The following FH variants were observed in gnomAD, a reference collection of about 807,000 sequenced individuals.
FH encodes fumarate hydratase, also known as fumarate hydratase, mitochondrial.
Under a neutral mutation model 49.4 loss-of-function variants are expected in FH, and 22 were observed. The ratio of observed to expected loss-of-function variants is 0.45; its 90% CI spans 0.32 to 0.64. The LOEUF (loss-of-function observed/expected upper bound fraction) is 0.64, where lower values mean the gene tolerates loss of function less well. FH is among the 30% of genes least tolerant of loss of function. The pLI is 0.05. For missense variants in FH, 526 were observed against 641.5 expected, an observed-to-expected ratio of 0.82 and a Z score of 1.95; for synonymous variants, 208 against 223.0, an observed-to-expected ratio of 0.93 and a Z score of 0.60.
Position 241,505,951 on chromosome 1 carries a change from G to C in FH, c.904+52C>G, listed in dbSNP as rs2147917440. The C allele has an allele frequency of 2.6e-6, 4 of 1,532,750 alleles. No individual in the cohort carries two copies. In the African/African-American group the frequency reaches 5.5e-5, roughly 21 times the overall value. The allele number at this position is 1,532,750 out of a possible 1,614,324, so 94.9% of individuals were successfully genotyped here. On this transcript the variant is annotated intron_variant, in intron 6 of 9. Coordinates refer to ENST00000366560, the MANE Select transcript of FH (RefSeq NM_000143.4). ...GACAGGAACACTCAGAAAATGTACA[G>C]ACCACGTATAATGAGAAATGAAAAT...
chr1:241,512,330 A>C (rs980306525), intron 3 of FH, among the ~76,000 whole-genome samples, 187 bp from the exon 4 acceptor site: 1 of 152,156 alleles, frequency 6.6e-6, no homozygotes, highest in Admixed American at 6.5e-5. Context: ...GTTTCAAATG[A>C]AAAGGGAATC....
At chr1:241,513,575 T>C (rs769427723) in intron 3 of FH, 28 bp downstream of exon 3, 2 of 1,529,868 alleles carry the variant, frequency 1.3e-6, no homozygotes, top group East Asian at 2.3e-5. Flanking sequence ...TCTGAGGTTA[T>C]TAAGCAAACA....
In FH at chr1:241,498,006, C is replaced by T. The variant is rs1314398270; in HGVS notation, c.1391-36G>A. On this transcript the variant is annotated intron_variant, in intron 9 of 9. Transcript: ENST00000366560. ...AATAAAAAGACGACATATGGGTTAG[C>T]AGTGATATTTGGTTTCCTAAAGCAA... 4 of 1,611,998 alleles carry T rather than the reference C, an allele frequency of 2.5e-6. No homozygotes were observed. The East Asian group carries it at 6.7e-5, about 27-fold the overall frequency.
Position 241,497,955 on chromosome 1 carries a change from G to A in FH, c.1406C>T (p.Ala469Val). The change falls in exon 10 of 10, where the codon GCA becomes GTA. Residue 469 changes from alanine (A) to valine (V), a missense_variant. Physicochemically the swap from Ala to Val is moderately conservative, Grantham distance 64. This residue lies in a region of FH where 383 missense variants were observed against 514.0 expected (regional missense o/e 0.75). Coordinates refer to ENST00000366560, the MANE Select transcript of FH (RefSeq NM_000143.4). ...TTTGTGTGCTGTCTTAGCAATCTTTGCTGCCTTGTCATACCCTGAAGAAAA... is the reference window on the plus strand; with the variant it reads ...TTTGTGTGCTGTCTTAGCAATCTTTACTGCCTTGTCATACCCTGAAGAAAA... ...LNPHIGYDKA[A>V]KIAKTAHKNG... 1 of 1,613,952 alleles carries A rather than the reference G, an allele frequency of 6.2e-7. No homozygotes were observed. The highest frequency in any genetic ancestry group is 8.5e-7 in the Non-Finnish European group (1 of 1,179,976).
At chr1:241,508,066 C>T (rs1659974542) in intron 5 of FH, among the ~76,000 whole-genome samples, 1 of 152,116 alleles carries the variant, frequency 6.6e-6, no homozygotes, top group African/African-American at 2.4e-5. Context: ...AAAAGATCTA[C>T]CTTATTTAAT....
Position 241,500,602 on chromosome 1 carries a change from T to TGAGAGGGAGAGAGA in FH, c.1237-13_1237-12insTCTCTCTCCCTCTC. ...AACACATTTTTAATCTTTGAGTGAG[T>TGAGAGGGAGAGAGA]GAGAGAGAGAGAGAGAGAGAGAGAG... On this transcript the variant is annotated splice_polypyrimidine_tract_variant and intron_variant, in intron 8 of 9. Transcript: ENST00000366560. 6.7e-7 allele frequency: 1 copy of TGAGAGGGAGAGAGA among 1,488,440 alleles called. No homozygotes were observed. The highest frequency in any genetic ancestry group is 9.1e-7 in the Non-Finnish European group (1 of 1,103,704). 92.2% of individuals were successfully genotyped at this position (1,488,440 alleles called of 1,614,324 possible).
intron 8 of FH, among the ~76,000 whole-genome samples, 165 bp downstream of exon 8, chr1:241,502,278 C>A (rs1170362804): frequency 6.6e-6 from 1 of 152,112 alleles, no homozygotes; most frequent in Non-Finnish European, 1.5e-5. Context: ...CAACTAATTT[C>A]TATTATCTAG....
chr1:241,511,693 T>A (rs936196393), intron 4 of FH, among the ~76,000 whole-genome samples: 19 of 152,192 alleles, frequency 1.2e-4, no homozygotes, highest in Non-Finnish European at 2.2e-4. Context: ...CTATTTGAAC[T>A]ATCTTTGCAA....
intron 3 of FH, among the ~76,000 whole-genome samples, chr1:241,512,393 T>C (rs1159634254): frequency 6.6e-6 from 1 of 152,194 alleles, no homozygotes; most frequent in African/African-American, 2.4e-5. Flanking sequence ...GAGGACCACC[T>C]GTTAAGGCTG....
intron 9 of FH, among the ~76,000 whole-genome samples, chr1:241,499,626 T>C (rs924175509): frequency 2.6e-5 from 4 of 152,230 alleles, no homozygotes; most frequent in African/African-American, 4.8e-5. Flanking sequence ...TTCAAGATTA[T>C]AGAAGAAGCA....
intron 3 of FH, 63 bp from the exon 4 acceptor site, chr1:241,512,206 G>T: frequency 6.9e-7 from 1 of 1,442,926 alleles, no homozygotes; most frequent in Non-Finnish European, 9.7e-7. Flanking sequence ...TTATGCCACA[G>T]AGTTTGAATA....
intron 3 of FH, 145 bp downstream of exon 3, chr1:241,513,458 C>A: frequency 1.4e-6 from 1 of 729,518 alleles, no homozygotes. Flanking sequence ...ATTAATATCA[C>A]CACTAAAAAT....
chr1:241,518,572 G>T lies in FH; in HGVS notation c.132+1019C>A, dbSNP rs1322127144. Among the ~76,000 whole-genome samples the T allele has an allele frequency of 2.6e-5, 4 of 152,098 alleles. No homozygotes were observed. In the East Asian group the frequency reaches 7.7e-4, roughly 29 times the overall value. ...TGGCCCTTTGAAATACCCTAGATGGGGCACTTATTTAATGAGCACTCGCTA... is the reference window on the plus strand; with the variant it reads ...TGGCCCTTTGAAATACCCTAGATGGTGCACTTATTTAATGAGCACTCGCTA... On this transcript the variant is annotated intron_variant, in intron 1 of 9. Coordinates refer to ENST00000366560, the MANE Select transcript of FH (RefSeq NM_000143.4).
At chr1:241,503,601 C>T (rs1007363154) in intron 7 of FH, among the ~76,000 whole-genome samples, 4 of 152,234 alleles carry the variant, frequency 2.6e-5, no homozygotes, top group Non-Finnish European at 5.9e-5. Context: ...CAGCTACATT[C>T]ATCTGCCAGC....
intron 8 of FH, among the ~76,000 whole-genome samples, chr1:241,501,852 G>A (rs938075533): frequency 1.8e-4 from 28 of 152,188 alleles, no homozygotes; most frequent in Admixed American, 2.0e-4. Flanking sequence ...GAAAAAGAAC[G>A]GTTTGGGTGG....
intron 1 of FH, among the ~76,000 whole-genome samples, chr1:241,518,227 A>G (rs1346918363): frequency 6.6e-6 from 1 of 152,212 alleles, no homozygotes; most frequent in Non-Finnish European, 1.5e-5. Flanking sequence ...GGCAAAAAGT[A>G]CCAGAACTAG....
intron 9 of FH, among the ~76,000 whole-genome samples, chr1:241,499,596 T>C (rs192308931): frequency 6.6e-6 from 1 of 152,342 alleles, no homozygotes; most frequent in East Asian, 1.9e-4. Context: ...AAACCAGGAA[T>C]ATAAAATTTG....
Position 241,517,411 on chromosome 1 carries a change from A to G in FH, c.133-95T>C. ...CAGCTGTTAAAGAGAAAGAAACCTG[A>G]ATAAGTATCACAAAGACAAAAAAAT... On this transcript the variant is annotated intron_variant, in intron 1 of 9. Coordinates refer to ENST00000366560, the MANE Select transcript of FH (RefSeq NM_000143.4). 2.2e-6 allele frequency: 3 copies of G among 1,363,454 alleles called. No homozygotes were observed. In the East Asian group the frequency reaches 7.0e-5, roughly 32 times the overall value. 84.5% of individuals were successfully genotyped at this position (1,363,454 alleles called of 1,614,324 possible). A position where few individuals can be genotyped will look rare whatever the true frequency, so the allele number is the denominator to read the frequency against.
At position 241,519,698 on chromosome 1, in the gene FH, C is replaced by A; in HGVS notation, c.25G>T (p.Ala9Ser). 6.5e-7 allele frequency: 1 copy of A among 1,546,722 alleles called. No individual in the cohort carries two copies. The highest frequency in any genetic ancestry group is 8.7e-7 in the Non-Finnish European group (1 of 1,145,780). MYRALRLL[A>S]RSRPLVRAPA... ...GCCCGCACGAGGGGACGCGAGCGCG[C>A]GAGGAGCCGAAGTGCTCGGTACATG... Residue 9 changes from alanine (A) to serine (S), a missense_variant, in exon 1 of 10, where the codon GCG (alanine) becomes TCG (serine). Coordinates refer to ENST00000366560, the MANE Select transcript of FH (RefSeq NM_000143.4).
Sources: allele counts gnomAD v4.1 joint callset (sites outside exome capture counted in the v4.1 genomes callset), GRCh38; gene constraint gnomAD v4.1.1; regional missense constraint gnomAD v4.1.1; transcripts MANE v1.5; gene names NCBI Gene and HGNC (gene_info 2026-07-23, HGNC 2026-07-21).